Variants in ZNF813 observed in about 807,000 individuals in gnomAD.
The protein encoded by ZNF813 is zinc finger protein 813.
A neutral mutation model predicts 7.2 loss-of-function variants in ZNF813; 3 were observed. The ratio of observed to expected loss-of-function variants is 0.42; its 90% CI spans 0.19 to 1.08. The LOEUF is 1.08. Ranked by LOEUF, ZNF813 falls within the 50% of genes least tolerant of loss-of-function variation. ZNF813 has a pLI of 0.30. For missense variants in ZNF813, 714 were observed against 753.3 expected, an observed-to-expected ratio of 0.95 and a Z score of 0.61; for synonymous variants, 227 against 256.3, an observed-to-expected ratio of 0.89 and a Z score of 1.09.
chr19:53,479,406 G>T, intron 1 of ZNF813: 1 of 1,569,128 alleles, frequency 6.4e-7, no homozygotes, highest in Non-Finnish European at 8.6e-7. Flanking sequence ...TTCTGCAGCT[G>T]CAGGCAGATG....
At chr19:53,485,629 G>GTGATATATACATGTATGTCA (rs2086430029) in intron 2 of ZNF813, among the ~76,000 whole-genome samples, 1 of 119,398 alleles carries the variant, frequency 8.4e-6, no homozygotes, top group Non-Finnish European at 1.8e-5. Flanking sequence ...CATGCATGTC[G>GTGATATATACATGTATGTCA]TGATATATAC....
chr19:53,486,750 T>G lies in ZNF813; in HGVS notation c.134T>G (p.Val45Gly). ...DVMLENYRNL[V>G]SLDISSKCMM... ...ATGCTGGAGAATTATAGGAACCTGG[T>G]CTCCCTGGGTGAGGATAACTTCCCT... Residue 45 changes from valine to glycine, a missense_variant, in exon 3 of 4, where the codon GTC becomes GGC. Physicochemically the swap from Val to Gly is moderately radical, Grantham distance 109. This residue lies in a region of ZNF813 where 563 missense variants were observed against 554.2 expected (regional missense o/e 1.02). Transcript: ENST00000396403. The G allele has an allele frequency of 6.2e-7, 1 of 1,613,884 alleles. No individual in the cohort carries two copies. The highest frequency in any genetic ancestry group is 8.5e-7 in the Non-Finnish European group (1 of 1,179,896).
Position 53,491,243 on chromosome 19 carries a change from T to A in ZNF813, c.1011T>A (p.Ser337Arg). Reference protein sequence around the residue: ...YKCNECGKTFSQTSSLTCHRR... With the variant: ...YKCNECGKTFRQTSSLTCHRR... ...GTAATGAATGTGGCAAGACCTTTAG[T>A]CAGACGTCATCCCTTACATGCCATC... Residue 337 changes from serine (S) to arginine (R), a missense_variant, in exon 4 of 4, where the codon AGT (serine) becomes AGA (arginine). Ser to Arg is a moderately radical substitution (Grantham distance 110). Coordinates refer to ENST00000396403, the MANE Select transcript of ZNF813 (RefSeq NM_001004301.4). 6.2e-7 allele frequency: 1 copy of A among 1,613,918 alleles called. No individual in the cohort carries two copies. Among genetic ancestry groups the A allele is most frequent in the Non-Finnish European group, 8.5e-7 (1 of 1,179,800 alleles).
chr19:53,479,471 G>A (rs963700365), intron 1 of ZNF813: 32 of 1,492,918 alleles, frequency 2.1e-5, no homozygotes, highest in African/African-American at 2.8e-5. Context: ...AGGTGGGCCC[G>A]GGAACAGGCT....
At chr19:53,487,511 C>G (rs932680162) in intron 3 of ZNF813, among the ~76,000 whole-genome samples, 1 of 152,158 alleles carries the variant, frequency 6.6e-6, no homozygotes, top group African/African-American at 2.4e-5. Flanking sequence ...CCAGCTCAAC[C>G]GATCCTTGTG....
chr19:53,479,921 A>C, intron 1 of ZNF813: 3 of 846,040 alleles, frequency 3.5e-6, no homozygotes, highest in Non-Finnish European at 2.0e-6. Context: ...GAAGATTCTT[A>C]CTGATAATCT....
chr19:53,491,528 T>G lies in ZNF813; in HGVS notation c.1296T>G (p.Leu432=). 3 of 1,613,618 alleles carry G rather than the reference T, an allele frequency of 1.9e-6. No individual in the cohort carries two copies. Among genetic ancestry groups the G allele is most frequent in the Non-Finnish European group, 2.5e-6 (3 of 1,179,786 alleles). Residue 432 remains leucine (L), a synonymous_variant, in exon 4 of 4, where the codon CTT becomes CTG. Coordinates refer to ENST00000396403, the MANE Select transcript of ZNF813 (RefSeq NM_001004301.4). ...CAAACCTTGCACGTCATCATAGACT[T>G]CATAGTGGAGAGAAACCCTACAAGT... ...KKANLARHHR[L]HSGEKPYKCT... is the part of the protein sequence containing the mutation.
At chr19:53,469,288 C>G (rs2708722) in intron 1 of ZNF813, among the ~76,000 whole-genome samples, 17,766 of 152,034 alleles carry the variant, frequency 0.12, 1,525 homozygotes, top group African/African-American at 0.24. Context: ...TTTCTGCATC[C>G]ACAAAGTAAC....
At chr19:53,488,188 C>T (rs1568431741) in intron 3 of ZNF813, 1 of 451,286 alleles carries the variant, frequency 2.2e-6, no homozygotes, top group Non-Finnish European at 4.4e-6. Context: ...CCATGCCTGG[C>T]TAATTTTGTG....
At position 53,496,021 on chromosome 19, in the gene ZNF813, C is replaced by G. The variant is rs1234243569; in HGVS notation, c.*3935C>G. On this transcript the variant is annotated 3_prime_UTR_variant, in exon 4 of 4. Coordinates refer to ENST00000396403, the MANE Select transcript of ZNF813 (RefSeq NM_001004301.4). ...TCCAAAAGGAGACATTGGAGAAGAA[C>G]GAAGCGGGGTCTATAAGGAATTGCA... The G allele has an allele frequency of 5.7e-6, 2 of 349,494 alleles. No individual in the cohort carries two copies. The highest frequency in any genetic ancestry group is 6.1e-5 in the Admixed American group (2 of 32,894). The allele number at this position is 349,494 out of a possible 1,614,324, so 21.6% of individuals were successfully genotyped here.
rs2086397675 is a variant in ZNF813 at position 53,479,576 on chromosome 19, T to C, written c.-73-4174T>C. On this transcript the variant is annotated intron_variant, in intron 1 of 3. Transcript: ENST00000396403. The stretch of plus-strand genomic sequence containing the variant: ...CGCCTGGCCACTGCCCTGCAAAAGC[T>C]GGAAGAAGCGGGAAAAGCTGCTGAT... 3 of 1,184,150 alleles carry C rather than the reference T, an allele frequency of 2.5e-6. No individual in the cohort carries two copies. In the East Asian group the frequency reaches 7.1e-5, roughly 28 times the overall value. The allele number at this position is 1,184,150 out of a possible 1,614,324, so 73.4% of individuals were successfully genotyped here.
At chr19:53,478,555 G>C (rs1348631189) in intron 1 of ZNF813, among the ~76,000 whole-genome samples, 1 of 152,116 alleles carries the variant, frequency 6.6e-6, no homozygotes, top group African/African-American at 2.4e-5. Flanking sequence ...AGGTGAGTGG[G>C]TCACCTAAGG....
chr19:53,469,981 G>A (rs1433133971), intron 1 of ZNF813, among the ~76,000 whole-genome samples: 2 of 133,236 alleles, frequency 1.5e-5, no homozygotes, highest in Non-Finnish European at 3.4e-5. Flanking sequence ...ACAAAGAGTG[G>A]GGTTTTTATA....
chr19:53,475,803 T>C (rs1356173265), intron 1 of ZNF813, among the ~76,000 whole-genome samples: 2 of 152,260 alleles, frequency 1.3e-5, no homozygotes, highest in Non-Finnish European at 2.9e-5. Context: ...AGAGCCCCTA[T>C]AGTCATTGTT....
chr19:53,490,070 G>GT (rs1348004262), intron 3 of ZNF813, among the ~76,000 whole-genome samples: 7 of 152,120 alleles, frequency 4.6e-5, no homozygotes, highest in African/African-American at 1.4e-4. Flanking sequence ...ACGGTGATAT[G>GT]TTTTTTGCAA....
intron 1 of ZNF813, among the ~76,000 whole-genome samples, chr19:53,483,455 T>G: frequency 6.6e-6 from 1 of 152,142 alleles, no homozygotes; most frequent in Admixed American, 6.6e-5. Context: ...CCCAGAGTGC[T>G]GGGATGACAG....
chr19:53,482,407 C>T (rs1372817887), intron 1 of ZNF813, among the ~76,000 whole-genome samples: 2 of 152,206 alleles, frequency 1.3e-5, no homozygotes, highest in Non-Finnish European at 2.9e-5. Flanking sequence ...GTGACCAGGG[C>T]CCCTGCCAGT....
intron 1 of ZNF813, among the ~76,000 whole-genome samples, 186 bp from the exon 2 acceptor site, chr19:53,483,564 G>T (rs1487540334): frequency 2.0e-5 from 3 of 152,168 alleles, no homozygotes; most frequent in African/African-American, 2.4e-5. Context: ...CACTGCTGCA[G>T]CGTGTGTGTG....
At chr19:53,476,759 G>A (rs892145839) in intron 1 of ZNF813, among the ~76,000 whole-genome samples, 3 of 152,064 alleles carry the variant, frequency 2.0e-5, no homozygotes, top group African/African-American at 7.2e-5. Flanking sequence ...CGCCTCCTGG[G>A]TTCACACCAT....
Sources: gnomAD v4.1 joint callset for allele counts (sites outside exome capture counted in the v4.1 genomes callset) on GRCh38, gnomAD v4.1.1 for gene constraint, gnomAD v4.1.1 regional missense constraint, MANE v1.5 for transcripts, NCBI Gene and HGNC (gene_info 2026-07-23, HGNC 2026-07-21) for gene names.